Variants in DCTN2 observed in about 807,000 individuals in gnomAD.
DCTN2 encodes the protein dynactin subunit 2.
Under a neutral mutation model 55.4 loss-of-function variants are expected in DCTN2, and 18 were observed. The observed-to-expected ratio is 0.32, with a 90% CI of 0.22 to 0.48. The LOEUF (loss-of-function observed/expected upper bound fraction) is 0.48, where lower values mean the gene tolerates loss of function less well. Ranked by LOEUF, DCTN2 falls within the 20% of genes least tolerant of loss-of-function variation. DCTN2 has a pLI of 0.99. For missense variants in DCTN2, 390 were observed against 491.0 expected, an observed-to-expected ratio of 0.79 and a Z score of 1.94; for synonymous variants, 168 against 185.2, an observed-to-expected ratio of 0.91 and a Z score of 0.76.
In DCTN2 at chr12:57,544,151, T is replaced by C. The variant is rs1003569223; in HGVS notation, c.105+1877A>G. The stretch of plus-strand genomic sequence containing the variant: ...TAGGCCTAAGTTGAACAGTCTGAAC[T>C]GTGGTAGTGCAGTAAAGTTCTCAGC... On this transcript the variant is annotated intron_variant, in intron 2 of 13. Coordinates refer to ENST00000548249, the MANE Select transcript of DCTN2 (RefSeq NM_001261413.2). The C allele has an allele frequency of 8.8e-6, 4 of 453,012 alleles. No individual in the cohort carries two copies. In the Admixed American group the frequency reaches 9.6e-5, roughly 11 times the overall value. 28.1% of individuals were successfully genotyped at this position (453,012 alleles called of 1,614,324 possible). A position where few individuals can be genotyped will look rare whatever the true frequency, so the allele number is the denominator to read the frequency against.
chr12:57,532,370 G>T, intron 11 of DCTN2, 55 bp from the exon 12 acceptor site: 1 of 1,457,754 alleles, frequency 6.9e-7, no homozygotes, highest in Non-Finnish European at 9.4e-7. Flanking sequence ...AGGTCAGTAT[G>T]TACAGACTGC....
chr12:57,547,094 G>T lies in DCTN2; in HGVS notation c.-31C>A, dbSNP rs548139644. The T allele has an allele frequency of 2.4e-6, 3 of 1,260,448 alleles. No homozygotes were observed. Among genetic ancestry groups the T allele is most frequent in the East Asian group, 6.2e-5 (2 of 32,374 alleles). The allele number at this position is 1,260,448 out of a possible 1,614,324, so 78.1% of individuals were successfully genotyped here. A position where few individuals can be genotyped will look rare whatever the true frequency, so the allele number is the denominator to read the frequency against. On this transcript the variant is annotated 5_prime_UTR_variant, in exon 1 of 14. Coordinates refer to ENST00000548249, the MANE Select transcript of DCTN2 (RefSeq NM_001261413.2). ...CGGCGAGACGGGCTGGGGGACCCGG[G>T]CCTCGGTGGAGCCGGGGCCGGTGTT...
chr12:57,542,228 A>T (rs1440734733), intron 2 of DCTN2, among the ~76,000 whole-genome samples: 1 of 151,952 alleles, frequency 6.6e-6, no homozygotes, highest in East Asian at 1.9e-4. Context: ...GTGAGCTGAG[A>T]TCACGCCATT....
Position 57,533,276 on chromosome 12 carries a change from C to T in DCTN2, c.697G>A (p.Glu233Lys). 6.2e-7 allele frequency: 1 copy of T among 1,613,974 alleles called. No individual in the cohort carries two copies. The highest frequency in any genetic ancestry group is 8.5e-7 in the Non-Finnish European group (1 of 1,179,886). Residue 233 changes from glutamate (E) to lysine (K), a missense_variant, in exon 8 of 14, where the codon GAG becomes AAG. By Grantham distance (56) the Glu-to-Lys change is moderately conservative. Around this residue, in one of 2 missense-constraint regions of DCTN2, gnomAD observed 273 missense variants for 303.2 expected, o/e 0.90. Coordinates refer to ENST00000548249, the MANE Select transcript of DCTN2 (RefSeq NM_001261413.2). The stretch of plus-strand genomic sequence containing the variant: ...TCACAACGTACAGCTGTCTCCAGCT[C>T]TGTCAGGCGCTTTTCAAGTTCTGCG... ...KVAELEKRLTELETAVRCDQD... is the reference protein window; with the variant it reads ...KVAELEKRLTKLETAVRCDQD...
chr12:57,546,213 C>T (rs1265173296), intron 1 of DCTN2, 117 bp from the exon 2 acceptor site: 1 of 892,952 alleles, frequency 1.1e-6, no homozygotes, highest in African/African-American at 1.6e-5. Context: ...AGGGTTCTGT[C>T]CTTTCTCCTC....
chr12:57,537,714 C>G (rs1880357057), intron 2 of DCTN2, among the ~76,000 whole-genome samples: 1 of 152,156 alleles, frequency 6.6e-6, no homozygotes, highest in African/African-American at 2.4e-5. Flanking sequence ...AGCTATAGAT[C>G]AAGGGAAAAC....
intron 6 of DCTN2, 75 bp from the exon 7 acceptor site, chr12:57,534,172 T>A (rs763802174): frequency 4.1e-5 from 63 of 1,529,218 alleles, no homozygotes; most frequent in Non-Finnish European, 5.3e-5. Flanking sequence ...TTTTGCCTCA[T>A]AATCAGCATT....
At chr12:57,532,537 G>A (rs758417371) in intron 11 of DCTN2, 35 bp downstream of exon 11, 1 of 1,605,272 alleles carries the variant, frequency 6.2e-7, no homozygotes, top group Non-Finnish European at 8.5e-7. Context: ...GAACCTGAGG[G>A]AGTGGAAAGG....
At position 57,534,559 on chromosome 12, in the gene DCTN2, G is replaced by C. The variant is rs563070338; in HGVS notation, c.364-107C>G. On this transcript the variant is annotated intron_variant, in intron 5 of 13. Transcript: ENST00000548249. Reference sequence around the variant, plus strand: ...GTTGTAGCTGGAGGTCACTGGGATGGTTTTCAGCATGACAGACTGCCCACC... The same window carrying C: ...GTTGTAGCTGGAGGTCACTGGGATGCTTTTCAGCATGACAGACTGCCCACC... 9.8e-5 allele frequency: 121 copies of C among 1,233,794 alleles called. No homozygotes were observed. In the African/African-American group the frequency reaches 1.7e-3, roughly 17 times the overall value. 76.4% of individuals were successfully genotyped at this position (1,233,794 alleles called of 1,614,324 possible).
rs1404001365 is a variant in DCTN2 at position 57,532,493 on chromosome 12, A to C, written c.924+79T>G. The C allele has an allele frequency of 7.4e-6, 11 of 1,486,318 alleles. No individual in the cohort carries two copies. The Admixed American group carries it at 1.7e-4, about 23-fold the overall frequency. The allele number at this position is 1,486,318 out of a possible 1,614,324, so 92.1% of individuals were successfully genotyped here. On this transcript the variant is annotated intron_variant, in intron 11 of 13. Transcript: ENST00000548249. ...TATGAAGATGGGGACCTGAGGAGTC[A>C]GTGTGTTCTCATGCTTTGACACTGC...
chr12:57,535,192 A>T (rs1313304049), intron 4 of DCTN2, 38 bp from the exon 5 acceptor site: 3 of 1,526,488 alleles, frequency 2.0e-6, no homozygotes, highest in Non-Finnish European at 2.7e-6. Context: ...TATATGTCTC[A>T]TTACAGGGAG....
At position 57,532,594 on chromosome 12, in the gene DCTN2, T is replaced by C; in HGVS notation, c.902A>G (p.Glu301Gly). ...NEIAKHKASV[E>G]DADTQSKVHQ... ...GACCTTGCTTTGTGTATCTGCATCT[T>C]CTACAGAGGCTTTATGCTTGGCAAT... The change falls in exon 11 of 14, where the codon GAA becomes GGA. Residue 301 changes from glutamate to glycine, a missense_variant. Physicochemically the swap from Glu to Gly is moderately conservative, Grantham distance 98. Transcript: ENST00000548249. 6.2e-7 allele frequency: 1 copy of C among 1,613,992 alleles called. No homozygotes were observed. Among genetic ancestry groups the C allele is most frequent in the South Asian group, 1.1e-5 (1 of 91,088 alleles).
At position 57,546,058 on chromosome 12, in the gene DCTN2, T is replaced by C. The variant is rs1253292393; in HGVS notation, c.75A>G (p.Leu25=). Residue 25 remains leucine, a synonymous_variant, in exon 2 of 14, where the codon CTA becomes CTG. Coordinates refer to ENST00000548249, the MANE Select transcript of DCTN2 (RefSeq NM_001261413.2). ...CGAACTCCGCTTGATCATCCTCAGG[T>C]AGGTCGCTAGTTTCATAAACATCTG... ...NEPDVYETSD[L]PEDDQAEFDA... is the part of the protein sequence containing the mutation. The C allele has an allele frequency of 6.2e-7, 1 of 1,613,600 alleles. No homozygotes were observed. Among genetic ancestry groups the C allele is most frequent in the Non-Finnish European group, 8.5e-7 (1 of 1,179,850 alleles).
intron 2 of DCTN2, 99 bp downstream of exon 2, chr12:57,545,929 A>G (rs536382059): frequency 2.3e-6 from 3 of 1,294,400 alleles, no homozygotes; most frequent in Non-Finnish European, 3.3e-6. Flanking sequence ...TGGGGTTGGC[A>G]TACCCGCTTA....
chr12:57,541,251 G>A, intron 2 of DCTN2: 1 of 1,287,858 alleles, frequency 7.8e-7, no homozygotes, highest in Non-Finnish European at 1.1e-6. Flanking sequence ...ACCCAGCCAG[G>A]GACTCACTGG....
intron 2 of DCTN2, chr12:57,542,980 T>TTTAAAA: frequency 4.4e-6 from 2 of 456,086 alleles, no homozygotes; most frequent in Non-Finnish European, 8.8e-6. Flanking sequence ...ATACATTACC[T>TTTAAAA]ACTTTAAAAA....
At chr12:57,543,790 C>T in intron 2 of DCTN2, 1 of 1,288,644 alleles carries the variant, frequency 7.8e-7, no homozygotes, top group Non-Finnish European at 1.0e-6. Flanking sequence ...CCATTCAGCT[C>T]ATATGCACTT....
chr12:57,540,741 T>C (rs1045794186), intron 2 of DCTN2, among the ~76,000 whole-genome samples: 10 of 152,212 alleles, frequency 6.6e-5, no homozygotes, highest in African/African-American at 2.2e-4. Context: ...GATGGATCAA[T>C]ATATTGCTGA....
intron 2 of DCTN2, chr12:57,540,182 G>A: frequency 1.1e-6 from 1 of 930,252 alleles, no homozygotes; most frequent in Non-Finnish European, 1.3e-6. Context: ...CAAAGGAGAA[G>A]TACACACACT....
Sources: gnomAD v4.1 joint callset for allele counts (sites outside exome capture counted in the v4.1 genomes callset) on GRCh38, gnomAD v4.1.1 for gene constraint, gnomAD v4.1.1 regional missense constraint, MANE v1.5 for transcripts, NCBI Gene and HGNC (gene_info 2026-07-23, HGNC 2026-07-21) for gene names.